Variants in MTMR7 observed in about 807,000 individuals in gnomAD.
MTMR7 encodes phosphatidylinositol-3-phosphate phosphatase MTMR7.
MTMR7 carries 76 observed loss-of-function variants against 81.2 expected under a neutral mutation model. The ratio of observed to expected loss-of-function variants is 0.94; its 90% CI spans 0.78 to 1.13. The LOEUF is 1.13. Ranked by LOEUF, MTMR7 falls within the 50% of genes most tolerant of loss-of-function variation. MTMR7 has a pLI of 0.00. For synonymous variants in MTMR7, 372 were observed against 289.8 expected (o/e 1.28, Z -2.88); for missense variants, 1,044 against 820.0 (o/e 1.27, Z -3.34).
At chr8:17,404,646 A>T (rs996478846) in intron 1 of MTMR7, among the ~76,000 whole-genome samples, 1 of 152,186 alleles carries the variant, frequency 6.6e-6, no homozygotes, top group Non-Finnish European at 1.5e-5. Context: ...TAGCAGACAC[A>T]ATCCTAGAGG....
At chr8:17,323,824 G>T (rs984279638) in intron 7 of MTMR7, among the ~76,000 whole-genome samples, 1 of 152,134 alleles carries the variant, frequency 6.6e-6, no homozygotes, top group Non-Finnish European at 1.5e-5. Flanking sequence ...ACTGTCTTGA[G>T]TTTGATGGGC....
In MTMR7 at chr8:17,309,395, A is replaced by G. The variant is rs999163349; in HGVS notation, c.1102-69T>C. 3.8e-6 allele frequency: 4 copies of G among 1,057,934 alleles called. No individual in the cohort carries two copies. The East Asian group carries it at 9.4e-5, about 25-fold the overall frequency. 65.5% of individuals were successfully genotyped at this position (1,057,934 alleles called of 1,614,324 possible). A position where few individuals can be genotyped will look rare whatever the true frequency, so the allele number is the denominator to read the frequency against. ...AAAATAAGAGACCACACAACCAATA[A>G]TGTTGAGGAATTCAGAGGCACTTGC... On this transcript the variant is annotated intron_variant, in intron 9 of 13. Transcript: ENST00000180173.
chr8:17,329,409 T>C (rs1019239186), intron 7 of MTMR7, among the ~76,000 whole-genome samples: 1 of 152,206 alleles, frequency 6.6e-6, no homozygotes, highest in Non-Finnish European at 1.5e-5. Context: ...CCATGTTCCC[T>C]TATGAAACAG....
chr8:17,390,118 T>C lies in MTMR7; in HGVS notation c.25-16878A>G, dbSNP rs146714135. The stretch of plus-strand genomic sequence containing the variant: ...TCCCTCATGTATTAGCCTGTTCTTA[T>C]ACTGCCATAAAGAAATAACTGACAC... On this transcript the variant is annotated intron_variant, in intron 1 of 13. Coordinates refer to ENST00000180173, the MANE Select transcript of MTMR7 (RefSeq NM_004686.5). Among the ~76,000 whole-genome samples the C allele has an allele frequency of 5.6e-4, 85 of 151,902 alleles. 3 individuals are homozygous for C. In the East Asian group the frequency reaches 0.016, roughly 29 times the overall value.
intron 7 of MTMR7, among the ~76,000 whole-genome samples, chr8:17,329,900 T>C (rs780350781): frequency 2.0e-5 from 3 of 152,164 alleles, no homozygotes; most frequent in East Asian, 1.9e-4. Context: ...CTGCCAATTA[T>C]GTACAGAAGA....
chr8:17,336,236 A>T (rs759196091), intron 6 of MTMR7, among the ~76,000 whole-genome samples: 79 of 152,192 alleles, frequency 5.2e-4, no homozygotes, highest in Middle Eastern at 3.4e-3. Flanking sequence ...CACCCACCCC[A>T]GTCACCTACA....
chr8:17,384,479 T>G (rs537335434), intron 1 of MTMR7, among the ~76,000 whole-genome samples: 12 of 152,334 alleles, frequency 7.9e-5, no homozygotes, highest in Admixed American at 2.6e-4. Context: ...TTTTACTTCT[T>G]GCTCCCACCT....
chr8:17,385,274 T>C (rs1820895029), intron 1 of MTMR7, among the ~76,000 whole-genome samples: 1 of 151,974 alleles, frequency 6.6e-6, no homozygotes, highest in Non-Finnish European at 1.5e-5. Context: ...CTCGGCACCA[T>C]CCCTCTTGGT....
At chr8:17,368,880 G>A (rs1346988693) in intron 3 of MTMR7, among the ~76,000 whole-genome samples, 2 of 152,146 alleles carry the variant, frequency 1.3e-5, no homozygotes, top group African/African-American at 2.4e-5. Context: ...TCAGATCTCT[G>A]TCTACATCTA....
intron 2 of MTMR7, among the ~76,000 whole-genome samples, chr8:17,372,583 A>G (rs956333095): frequency 2.6e-5 from 4 of 152,106 alleles, no homozygotes; most frequent in Non-Finnish European, 1.5e-5. Context: ...GTAAGACTCC[A>G]TCTCAAAAAT....
rs111251541 is a variant in MTMR7, at chr8:17,319,972, T to C, written c.866-6571A>G. 4.9e-3 allele frequency among the ~76,000 whole-genome samples: 745 copies of C among 152,314 alleles called. 2 individuals carry two copies. The highest frequency in any genetic ancestry group is 5.5e-3 in the Non-Finnish European group (377 of 68,032). On this transcript the variant is annotated intron_variant, in intron 7 of 13. Transcript: ENST00000180173. ...GAAATATGTCTGATCAGGATTGAGA[T>C]AGATATGCTGTAAGTGTAAAATATG... is the stretch of plus-strand genomic sequence containing the variant.
chr8:17,356,147 G>A (rs998704718), intron 4 of MTMR7, among the ~76,000 whole-genome samples: 1 of 152,068 alleles, frequency 6.6e-6, no homozygotes. Context: ...AAGCCAAAAG[G>A]TATTATACTA....
intron 5 of MTMR7, among the ~76,000 whole-genome samples, chr8:17,344,621 G>A (rs74411783): frequency 0.012 from 1,853 of 152,122 alleles, 38 homozygotes; most frequent in East Asian, 0.071. Flanking sequence ...AAAACATAAA[G>A]ATGCAGCAGA....
chr8:17,366,087 C>T (rs934743069), intron 3 of MTMR7, among the ~76,000 whole-genome samples: 1 of 152,212 alleles, frequency 6.6e-6, no homozygotes, highest in East Asian at 1.9e-4. Flanking sequence ...CCACTTCCTA[C>T]TTCCCATAGA....
intron 1 of MTMR7, among the ~76,000 whole-genome samples, chr8:17,394,575 T>G (rs1821194742): frequency 6.6e-6 from 1 of 152,144 alleles, no homozygotes; most frequent in African/African-American, 2.4e-5. Context: ...AGGTTTCTTT[T>G]TGGGGTGGTG....
intron 1 of MTMR7, among the ~76,000 whole-genome samples, chr8:17,412,379 A>C (rs934321730): frequency 2.0e-5 from 3 of 152,172 alleles, no homozygotes; most frequent in African/African-American, 4.8e-5. Flanking sequence ...CATCCTGCAA[A>C]AACGCAAGGA....
rs113671428 is a variant in MTMR7 at position 17,300,560 on chromosome 8, A to G, written c.1621-336T>C. ...GTCTCATCCCATGAACTCAAAAAAC[A>G]TTTTTTAGAAATCATGAATGAAGTG... On this transcript the variant is annotated intron_variant, in intron 13 of 13. Coordinates refer to ENST00000180173, the MANE Select transcript of MTMR7 (RefSeq NM_004686.5). Among the ~76,000 whole-genome samples, 760 of 152,318 alleles carry G rather than the reference A, an allele frequency of 5.0e-3. 8 individuals carry two copies. Among genetic ancestry groups the G allele is most frequent in the African/African-American group, 0.017 (690 of 41,578 alleles).
chr8:17,332,152 C>G (rs764331172), intron 6 of MTMR7, among the ~76,000 whole-genome samples: 13 of 152,190 alleles, frequency 8.5e-5, no homozygotes, highest in African/African-American at 2.9e-4. Flanking sequence ...GCTGACCATT[C>G]TCCTCCTCCA....
intron 7 of MTMR7, among the ~76,000 whole-genome samples, chr8:17,315,194 G>A (rs1389049248): frequency 1.3e-5 from 2 of 152,168 alleles, no homozygotes; most frequent in Admixed American, 6.5e-5. Context: ...AAGACACAGA[G>A]GGAAGTTAAA....
Sources: gnomAD v4.1 joint callset for allele counts (sites outside exome capture counted in the v4.1 genomes callset) on GRCh38, gnomAD v4.1.1 for gene constraint, MANE v1.5 for transcripts, NCBI Gene and HGNC (gene_info 2026-07-23, HGNC 2026-07-21) for gene names.